FLACC1: variants seen among roughly 807,000 people sequenced by gnomAD.
FLACC1 encodes the protein flagellum-associated coiled-coil domain-containing protein 1.
A neutral mutation model predicts 62.8 loss-of-function variants in FLACC1; 66 were observed. The observed-to-expected ratio is 1.05, with a 90% confidence interval of 0.86 to 1.29. FLACC1 has a LOEUF of 1.29. Among genes scored for constraint, FLACC1 ranks in the 50% most tolerant of loss-of-function variants. FLACC1 has a pLI of 0.00. For missense variants in FLACC1, 452 were observed against 489.1 expected (o/e 0.92, Z 0.71); for synonymous variants, 156 against 161.0 (o/e 0.97, Z 0.24).
intron 7 of FLACC1, among the ~76,000 whole-genome samples, chr2:201,338,522 A>C (rs1456274222): frequency 6.6e-6 from 1 of 152,164 alleles, no homozygotes; most frequent in African/African-American, 2.4e-5. Context: ...GTTCAGTATG[A>C]TGATAGCTGC....
Position 201,330,770 on chromosome 2 carries a change from C to G in FLACC1, c.588G>C (p.Leu196Phe), listed in dbSNP as rs200602814. ...SELENNYKAA[L>F]KAEKLAAQEK... Reference sequence around the variant, plus strand: ...CTTGGGCAGCCAACTTCTCTGCCTTCAAGGCTGCTTTGTAGTTGTTCTCCA... The same window carrying G: ...CTTGGGCAGCCAACTTCTCTGCCTTGAAGGCTGCTTTGTAGTTGTTCTCCA... Residue 196 changes from leucine to phenylalanine, a missense_variant, in exon 8 of 15, where the codon TTG becomes TTC. Physicochemically the swap from Leu to Phe is conservative, Grantham distance 22 (BLOSUM62 0). Around this residue, in one of 3 missense-constraint regions of FLACC1, gnomAD observed 301 missense variants for 318.4 expected, o/e 0.95. Coordinates refer to ENST00000392257, the MANE Select transcript of FLACC1 (RefSeq NM_001127391.3). 228 of 1,613,872 alleles carry G rather than the reference C, an allele frequency of 1.4e-4. No individual in the cohort carries two copies. The highest frequency in any genetic ancestry group is 1.7e-4 in the Non-Finnish European group (204 of 1,180,010).
intron 11 of FLACC1, among the ~76,000 whole-genome samples, chr2:201,303,688 C>A (rs950096924): frequency 1.3e-5 from 2 of 152,174 alleles, no homozygotes; most frequent in Admixed American, 6.5e-5. Context: ...CAATAAAATA[C>A]TGGCAAACTG....
At chr2:201,316,446 T>C (rs1950308987) in intron 9 of FLACC1, among the ~76,000 whole-genome samples, 1 of 152,008 alleles carries the variant, frequency 6.6e-6, no homozygotes, top group Non-Finnish European at 1.5e-5. Flanking sequence ...GTGCATAAAC[T>C]AGAAAACCTA....
intron 11 of FLACC1, among the ~76,000 whole-genome samples, chr2:201,306,794 A>G (rs1222273155): frequency 6.6e-6 from 1 of 152,156 alleles, no homozygotes; most frequent in Non-Finnish European, 1.5e-5. Context: ...GGCAAAAAAA[A>G]CTTGTATCCA....
At chr2:201,323,805 T>TAAAAAAAAAAAAAAAAAA (rs1576447085) in intron 9 of FLACC1, among the ~76,000 whole-genome samples, 15 of 79,362 alleles carry the variant, frequency 1.9e-4, no homozygotes, top group African/African-American at 5.1e-4. Context: ...AAAAAAAAAG[T>TAAAAAAAAAAAAAAAAAA]AAGGAAGGAA....
chr2:201,339,987 A>G (rs1220611664), intron 7 of FLACC1, among the ~76,000 whole-genome samples: 1 of 152,120 alleles, frequency 6.6e-6, no homozygotes, highest in East Asian at 1.9e-4. Context: ...ACTCACTGGT[A>G]TTGGCAATGG....
chr2:201,351,161 G>T, intron 2 of FLACC1, 131 bp downstream of exon 2: 1 of 791,252 alleles, frequency 1.3e-6, no homozygotes, highest in Non-Finnish European at 2.0e-6. Flanking sequence ...GGGAAGCTGG[G>T]GAAAGCGAGG....
intron 9 of FLACC1, among the ~76,000 whole-genome samples, chr2:201,310,708 C>T (rs1950201741): frequency 6.6e-6 from 1 of 151,888 alleles, no homozygotes; most frequent in African/African-American, 2.4e-5. Flanking sequence ...GCAATTTGGC[C>T]ATATATATTA....
In FLACC1 at chr2:201,288,666, G is replaced by C; in HGVS notation, c.1258C>G (p.Gln420Glu). The change falls in exon 15 of 15, where the codon CAA (glutamine) becomes GAA (glutamate). Residue 420 changes from glutamine to glutamate, a missense_variant. Physicochemically the swap from Gln to Glu is conservative, Grantham distance 29 (BLOSUM62 2). This residue lies in a region of FLACC1 where 301 missense variants were observed against 318.4 expected (regional missense o/e 0.95). Coordinates refer to ENST00000392257, the MANE Select transcript of FLACC1 (RefSeq NM_001127391.3). ...GAGCAACTTTTTGTTTATGATTCTT[G>C]TCCTTTCTTGCTACCATCTTGCACA... ...DTVQDGSKKG[Q>E]ES 2 of 1,613,558 alleles carry C rather than the reference G, an allele frequency of 1.2e-6. No homozygotes were observed. Among genetic ancestry groups the C allele is most frequent in the Admixed American group, 1.7e-5 (1 of 59,970 alleles).
At chr2:201,299,136 G>T in intron 12 of FLACC1, 102 bp downstream of exon 12, 4 of 1,149,356 alleles carry the variant, frequency 3.5e-6, no homozygotes, top group Non-Finnish European at 3.8e-6. Context: ...TTTCTTATTG[G>T]CTTTGGGGAA....
chr2:201,339,400 T>C (rs557359413), intron 7 of FLACC1, among the ~76,000 whole-genome samples: 98 of 152,210 alleles, frequency 6.4e-4, no homozygotes, highest in African/African-American at 2.0e-3. Context: ...TTTTTTTAGT[T>C]TCTATTTCGT....
intron 7 of FLACC1, among the ~76,000 whole-genome samples, chr2:201,341,578 T>C (rs1404438464): frequency 2.0e-5 from 3 of 151,398 alleles, no homozygotes; most frequent in Non-Finnish European, 4.4e-5. Context: ...TGGAGATTAC[T>C]ATATACATAT....
chr2:201,299,333 CT>C, intron 11 of FLACC1, 33 bp from the exon 12 acceptor site: 1 of 1,582,802 alleles, frequency 6.3e-7, no homozygotes, highest in Non-Finnish European at 8.7e-7. Context: ...AAGGTTAGCA[CT>C]GTGGTTCTGG....
At chr2:201,316,620 A>AC (rs1362597978) in intron 9 of FLACC1, among the ~76,000 whole-genome samples, 1 of 152,188 alleles carries the variant, frequency 6.6e-6, no homozygotes, top group Non-Finnish European at 1.5e-5. Flanking sequence ...GCAGAACTCT[A>AC]CCAGACATTC....
intron 1 of FLACC1, among the ~76,000 whole-genome samples, chr2:201,352,240 T>G (rs529542748): frequency 2.0e-5 from 3 of 152,264 alleles, no homozygotes; most frequent in African/African-American, 7.2e-5. Context: ...CCTGGAAAAT[T>G]AGTTCTGCTG....
intron 1 of FLACC1, among the ~76,000 whole-genome samples, chr2:201,355,827 T>C (rs1195848428): frequency 1.3e-5 from 2 of 152,104 alleles, no homozygotes; most frequent in Non-Finnish European, 2.9e-5. Context: ...CCACTGCATT[T>C]CAGCCTGGGT....
At chr2:201,356,593 T>C (rs1040796805) in intron 1 of FLACC1, among the ~76,000 whole-genome samples, 1 of 152,272 alleles carries the variant, frequency 6.6e-6, no homozygotes, top group African/African-American at 2.4e-5. Flanking sequence ...TAACCTTAAA[T>C]GTTTTGCATA....
At chr2:201,295,754 C>T (rs1949845973) in intron 12 of FLACC1, among the ~76,000 whole-genome samples, 2 of 152,094 alleles carry the variant, frequency 1.3e-5, no homozygotes, top group South Asian at 4.2e-4. Context: ...ATTTTTGCAA[C>T]CTACTCATCT....
chr2:201,308,631 T>C (rs1466364096), intron 10 of FLACC1, among the ~76,000 whole-genome samples: 2 of 152,182 alleles, frequency 1.3e-5, no homozygotes, highest in South Asian at 2.1e-4. Flanking sequence ...GGTGCACCTA[T>C]AGAATACTTT....
Sources: allele counts gnomAD v4.1 joint callset (sites outside exome capture counted in the v4.1 genomes callset), GRCh38; gene constraint gnomAD v4.1.1; regional missense constraint gnomAD v4.1.1; transcripts MANE v1.5; gene names NCBI Gene and HGNC (gene_info 2026-07-23, HGNC 2026-07-21).